Variants in AGBL1 observed in about 807,000 individuals in gnomAD.
AGBL1 encodes the protein AGBL carboxypeptidase 1.
AGBL1 carries 130 observed loss-of-function variants against 118.9 expected under a neutral mutation model. The observed-to-expected ratio is 1.09, with a 90% CI of 0.95 to 1.26. The LOEUF (loss-of-function observed/expected upper bound fraction) is 1.26, where lower values mean the gene tolerates loss of function less well. AGBL1 is among the 50% of genes most tolerant of loss of function. The probability of loss-of-function intolerance (pLI) is 0.00; values close to 1 mark genes in which losing one functional copy is unlikely to be tolerated. For synonymous variants in AGBL1, 555 were observed against 478.9 expected (o/e 1.16, Z -2.08); for missense variants, 1,584 against 1,298.1 (o/e 1.22, Z -3.38).
chr15:86,808,413 A>G (rs1023791146), intron 22 of AGBL1, among the ~76,000 whole-genome samples: 1 of 152,204 alleles, frequency 6.6e-6, no homozygotes, highest in Admixed American at 6.5e-5. Context: ...TCTTGTATCC[A>G]CATCTCATTA....
intron 24 of AGBL1, among the ~76,000 whole-genome samples, chr15:86,990,532 G>A (rs892979962): frequency 1.3e-5 from 2 of 151,976 alleles, no homozygotes; most frequent in African/African-American, 4.8e-5. Context: ...AAAAGAGAAA[G>A]GTTTGGGTTC....
At chr15:86,732,845 C>T (rs1408710552) in intron 22 of AGBL1, among the ~76,000 whole-genome samples, 1 of 150,628 alleles carries the variant, frequency 6.6e-6, no homozygotes, top group Non-Finnish European at 1.5e-5. Context: ...TTAGGGTTCT[C>T]TAGAGAAACA....
At chr15:86,665,199 A>G (rs186661072) in intron 21 of AGBL1, among the ~76,000 whole-genome samples, 48 of 152,314 alleles carry the variant, frequency 3.2e-4, no homozygotes, top group African/African-American at 1.0e-3. Flanking sequence ...TTATTTGACT[A>G]GTAATAGACT....
intron 3 of AGBL1, among the ~76,000 whole-genome samples, chr15:86,149,923 C>T (rs922529373): frequency 1.2e-4 from 19 of 152,182 alleles, no homozygotes; most frequent in Non-Finnish European, 2.5e-4. Flanking sequence ...TCACAACAAA[C>T]TGTCTCTCAG....
In AGBL1 at chr15:86,676,809, A is replaced by C. The variant is rs149268660; in HGVS notation, c.3158+2373A>C. Among the ~76,000 whole-genome samples, 154 of 152,226 alleles carry C rather than the reference A, an allele frequency of 1.0e-3. 1 individual carries two copies. Among genetic ancestry groups the C allele is most frequent in the Non-Finnish European group, 1.4e-3 (94 of 68,006 alleles). ...TCTTCTCCAAAGGTCTGCCCTAAAG[A>C]ACTACAAGAATGGCTGGGTGCGGTG... On this transcript the variant is annotated intron_variant, in intron 22 of 22. Coordinates refer to ENST00000614907, the MANE Select transcript of AGBL1 (RefSeq NM_001386094.1).
At chr15:86,346,225 C>A (rs1310301347) in intron 17 of AGBL1, among the ~76,000 whole-genome samples, 2 of 152,146 alleles carry the variant, frequency 1.3e-5, no homozygotes, top group Non-Finnish European at 2.9e-5. Flanking sequence ...TTGTGATCTG[C>A]CCATCTCGGC....
chr15:87,019,810 C>G (rs1390786779), intron 24 of AGBL1, among the ~76,000 whole-genome samples: 1 of 150,834 alleles, frequency 6.6e-6, no homozygotes, highest in African/African-American at 2.4e-5. Context: ...CCCCAAAATT[C>G]AAAAATCAAC....
Position 86,386,760 on chromosome 15 carries a change from T to A in AGBL1, c.2375-10606T>A, listed in dbSNP as rs573849891. 2.1e-4 allele frequency among the ~76,000 whole-genome samples: 32 copies of A among 152,226 alleles called. No individual in the cohort carries two copies. In the South Asian group the frequency reaches 6.6e-3, roughly 32 times the overall value. Reference sequence around the variant, plus strand: ...TCAAGCCTGGGACCTTCATAGTACTTACATGATGTTATTGTCTCCCTTCTC... The same window carrying A: ...TCAAGCCTGGGACCTTCATAGTACTAACATGATGTTATTGTCTCCCTTCTC... On this transcript the variant is annotated intron_variant, in intron 17 of 22. Coordinates refer to ENST00000614907, the MANE Select transcript of AGBL1 (RefSeq NM_001386094.1).
intron 6 of AGBL1, 99 bp downstream of exon 6, chr15:86,225,050 A>G: frequency 3.2e-6 from 3 of 928,986 alleles, no homozygotes; most frequent in Admixed American, 5.0e-5. Context: ...TTTTTTTTTC[A>G]TGAACTACTA....
intron 23 of AGBL1, among the ~76,000 whole-genome samples, chr15:86,970,996 T>C (rs975411172): frequency 6.6e-6 from 1 of 152,160 alleles, no homozygotes; most frequent in Non-Finnish European, 1.5e-5. Context: ...TACAGGAGAA[T>C]GTGTGTAGAT....
At chr15:86,917,970 T>C (rs931124565), downstream of AGBL1, among the ~76,000 whole-genome samples, 3 of 152,170 alleles carry the variant, frequency 2.0e-5, no homozygotes, top group African/African-American at 7.2e-5. The surrounding 1 kb of genome is among the most constrained non-coding windows in gnomAD (Gnocchi z 4.8). Flanking sequence ...AGTCCATTAC[T>C]CCCAAGCAGC....
intron 5 of AGBL1, among the ~76,000 whole-genome samples, chr15:86,200,915 G>C (rs532787160): frequency 7.2e-5 from 11 of 151,996 alleles, no homozygotes; most frequent in Middle Eastern, 3.4e-3. Context: ...TGTGCCTGGC[G>C]AGGAATCATG....
chr15:87,022,472 C>A (rs2081675743), intron 24 of AGBL1, among the ~76,000 whole-genome samples: 1 of 151,996 alleles, frequency 6.6e-6, no homozygotes, highest in African/African-American at 2.4e-5. Flanking sequence ...AATGACCAAA[C>A]TTAAGAATAA....
chr15:86,691,041 A>T (rs1021312694), intron 22 of AGBL1, among the ~76,000 whole-genome samples: 23 of 152,142 alleles, frequency 1.5e-4, no homozygotes, highest in Admixed American at 1.5e-3. Flanking sequence ...CATATTAAGT[A>T]GTAGGTTGCA....
At chr15:87,016,565 G>A (rs2141793045) in intron 24 of AGBL1, among the ~76,000 whole-genome samples, 1 of 152,334 alleles carries the variant, frequency 6.6e-6, no homozygotes, top group South Asian at 2.1e-4. Flanking sequence ...CCAATTAAAA[G>A]CAGCTACAGT....
At chr15:86,632,375 G>A (rs1472690168) in intron 21 of AGBL1, among the ~76,000 whole-genome samples, 4 of 151,820 alleles carry the variant, frequency 2.6e-5, no homozygotes, top group African/African-American at 9.7e-5. Context: ...CCCAGGAGGC[G>A]GAGGTTGCGG....
chr15:86,692,618 T>A (rs957342414), intron 22 of AGBL1, among the ~76,000 whole-genome samples: 22 of 152,160 alleles, frequency 1.4e-4, no homozygotes, highest in African/African-American at 4.8e-4. Context: ...AATTTTTTTT[T>A]ATTTCCATTG....
intron 23 of AGBL1, among the ~76,000 whole-genome samples, chr15:86,932,099 A>G (rs2080613432): frequency 6.6e-6 from 1 of 152,214 alleles, no homozygotes; most frequent in African/African-American, 2.4e-5. Context: ...AGGCTAAAAT[A>G]TAATTAGTTC....
At chr15:86,089,250 T>C (rs753754862) in intron 1 of AGBL1, among the ~76,000 whole-genome samples, 3 of 152,206 alleles carry the variant, frequency 2.0e-5, no homozygotes, top group Non-Finnish European at 4.4e-5. Flanking sequence ...ATGTTATAAC[T>C]GTTCTGATGT....
Sources: allele counts gnomAD v4.1 joint callset (sites outside exome capture counted in the v4.1 genomes callset), GRCh38; gene constraint gnomAD v4.1.1; non-coding constraint Gnocchi (gnomAD v3.1); transcripts MANE v1.5; gene names NCBI Gene and HGNC (gene_info 2026-07-23, HGNC 2026-07-21).